The following GLRA3 variants were observed in gnomAD, a reference collection of about 807,000 sequenced individuals.
GLRA3 encodes the protein glycine receptor alpha 3, also known as glycine receptor subunit alpha-3.
GLRA3 carries 44 observed loss-of-function variants against 60.4 expected under a neutral mutation model. That is an observed-to-expected ratio of 0.73 (90% CI 0.57 to 0.94). The LOEUF (loss-of-function observed/expected upper bound fraction) is 0.94, where lower values mean the gene tolerates loss of function less well. Among genes scored for constraint, GLRA3 ranks in the 40% least tolerant of loss-of-function variants. The pLI, the probability that GLRA3 is intolerant of heterozygous loss-of-function variation, is 0.00. For missense variants in GLRA3, 508 were observed against 564.6 expected (o/e 0.90, Z 1.02); for synonymous variants, 223 against 192.9 (o/e 1.16, Z -1.29).
intron 2 of GLRA3, among the ~76,000 whole-genome samples, chr4:174,774,431 G>A (rs1738514386): frequency 6.7e-6 from 1 of 150,038 alleles, no homozygotes; most frequent in African/African-American, 2.5e-5. Flanking sequence ...TATATGTGTG[G>A]GTATATATAG....
At chr4:174,787,992 A>G (rs1739185280) in intron 2 of GLRA3, among the ~76,000 whole-genome samples, 1 of 152,054 alleles carries the variant, frequency 6.6e-6, no homozygotes, top group Non-Finnish European at 1.5e-5. Context: ...GAAAAATGGT[A>G]GTTATAGACA....
chr4:174,729,123 AC>A (rs1736452918), intron 3 of GLRA3, among the ~76,000 whole-genome samples: 1 of 152,190 alleles, frequency 6.6e-6, no homozygotes. Flanking sequence ...CAAAGAAAAG[AC>A]CACAATTTAT....
At chr4:174,692,327 C>A (rs1479893558) in intron 5 of GLRA3, among the ~76,000 whole-genome samples, 1 of 147,094 alleles carries the variant, frequency 6.8e-6, no homozygotes, top group Admixed American at 6.7e-5. Context: ...GGGGGGTCAG[C>A]CCCCCGCTCG....
At chr4:174,781,746 T>C (rs1445106361) in intron 2 of GLRA3, among the ~76,000 whole-genome samples, 1 of 150,640 alleles carries the variant, frequency 6.6e-6, no homozygotes. Context: ...ACACATACAC[T>C]CTCCCAAGAC....
intron 1 of GLRA3, among the ~76,000 whole-genome samples, chr4:174,805,175 T>A (rs1739989524): frequency 6.6e-6 from 1 of 152,130 alleles, no homozygotes; most frequent in Non-Finnish European, 1.5e-5. Context: ...GAGGACTCCT[T>A]TACCCTCTCT....
At chr4:174,802,841 G>T (rs564463825) in intron 1 of GLRA3, among the ~76,000 whole-genome samples, 1 of 151,956 alleles carries the variant, frequency 6.6e-6, no homozygotes, top group African/African-American at 2.4e-5. Flanking sequence ...TTGAAATGCT[G>T]TCAGTATCTT....
intron 9 of GLRA3, among the ~76,000 whole-genome samples, chr4:174,652,523 T>G (rs1050021001): frequency 1.4e-4 from 21 of 152,044 alleles, no homozygotes; most frequent in Admixed American, 2.6e-4. Context: ...AGATAACCAT[T>G]TAGCTACTGC....
At chr4:174,760,001 T>A (rs1388144591) in intron 3 of GLRA3, among the ~76,000 whole-genome samples, 1 of 152,136 alleles carries the variant, frequency 6.6e-6, no homozygotes, top group African/African-American at 2.4e-5. Context: ...CAAGGTTAAA[T>A]TTTGTGAATT....
At chr4:174,727,111 A>T (rs1338702112) in intron 4 of GLRA3, among the ~76,000 whole-genome samples, 4 of 152,228 alleles carry the variant, frequency 2.6e-5, no homozygotes, top group Non-Finnish European at 4.4e-5. Context: ...AGAAATCAAT[A>T]AATCTATGGA....
rs116049630 is a variant in GLRA3, at chr4:174,812,168, G to A, written c.71+16573C>T. On this transcript the variant is annotated intron_variant, in intron 1 of 9. Transcript: ENST00000274093. ...ATATTTTAAGTTATAGATTTACAAA[G>A]GAAAAGATACAGCAATAGTACTAAT... 7.8e-3 allele frequency among the ~76,000 whole-genome samples: 1,184 copies of A among 152,056 alleles called. 8 individuals are homozygous for A. Among genetic ancestry groups the A allele is most frequent in the Non-Finnish European group, 0.011 (777 of 67,940 alleles).
intron 2 of GLRA3, among the ~76,000 whole-genome samples, chr4:174,774,191 A>G (rs1738502228): frequency 1.3e-5 from 2 of 152,218 alleles, no homozygotes; most frequent in South Asian, 2.1e-4. Flanking sequence ...TGATTAAATA[A>G]GTAATTATAT....
At chr4:174,655,814 G>A (rs1004162213) in intron 9 of GLRA3, among the ~76,000 whole-genome samples, 6 of 152,080 alleles carry the variant, frequency 3.9e-5, no homozygotes, top group Non-Finnish European at 7.4e-5. Context: ...CAATCGCTGA[G>A]TGATTATATA....
intron 4 of GLRA3, among the ~76,000 whole-genome samples, chr4:174,723,408 T>C (rs1736202796): frequency 6.6e-6 from 1 of 152,112 alleles, no homozygotes; most frequent in South Asian, 2.1e-4. Flanking sequence ...TTATATTCTA[T>C]TTTGTTCAAT....
chr4:174,766,570 G>A (rs542038311), intron 3 of GLRA3, among the ~76,000 whole-genome samples: 16 of 151,968 alleles, frequency 1.1e-4, no homozygotes, highest in East Asian at 1.9e-4. Flanking sequence ...AAAAGTAATC[G>A]AATTGAATAT....
chr4:174,733,892 A>G (rs567714478), intron 3 of GLRA3, among the ~76,000 whole-genome samples: 1 of 152,332 alleles, frequency 6.6e-6, no homozygotes, highest in South Asian at 2.1e-4. Flanking sequence ...TCATAAAAGA[A>G]TAAAAACACC....
At chr4:174,800,937 T>G (rs1345212974) in intron 1 of GLRA3, among the ~76,000 whole-genome samples, 1 of 152,106 alleles carries the variant, frequency 6.6e-6, no homozygotes, top group Non-Finnish European at 1.5e-5. Flanking sequence ...AGTACAGTTT[T>G]CAGTACATTA....
Position 174,682,688 on chromosome 4 carries a change from A to G in GLRA3, c.712+114T>C, listed in dbSNP as rs79653104. On this transcript the variant is annotated intron_variant, in intron 6 of 9. Coordinates refer to ENST00000274093, the MANE Select transcript of GLRA3 (RefSeq NM_006529.4). Reference sequence around the variant, plus strand: ...TTCAAATGCATCCATTTTCTGCTATATAAGAAAAACATTGATCTATGAACA... The same window carrying G: ...TTCAAATGCATCCATTTTCTGCTATGTAAGAAAAACATTGATCTATGAACA... 4.9e-3 allele frequency: 3,365 copies of G among 686,774 alleles called. 90 individuals are homozygous for G. In the African/African-American group the frequency reaches 0.054, roughly 11 times the overall value. The allele number at this position is 686,774 out of a possible 1,614,324, so 42.5% of individuals were successfully genotyped here. A position where few individuals can be genotyped will look rare whatever the true frequency, so the allele number is the denominator to read the frequency against.
intron 1 of GLRA3, among the ~76,000 whole-genome samples, chr4:174,809,295 T>G (rs1740170680): frequency 6.6e-6 from 1 of 152,228 alleles, no homozygotes; most frequent in East Asian, 1.9e-4. Flanking sequence ...TGCAGTAGGC[T>G]ATTCCATCTA....
At chr4:174,813,622 T>C (rs1016832071) in intron 1 of GLRA3, among the ~76,000 whole-genome samples, 27 of 152,328 alleles carry the variant, frequency 1.8e-4, no homozygotes, top group Non-Finnish European at 1.9e-4. Flanking sequence ...ATTCAACTGA[T>C]GAATTATGCT....
Sources: allele counts gnomAD v4.1 joint callset (sites outside exome capture counted in the v4.1 genomes callset), GRCh38; gene constraint gnomAD v4.1.1; transcripts MANE v1.5; gene names NCBI Gene and HGNC (gene_info 2026-07-23, HGNC 2026-07-21).